Variants in CPEB3 observed in about 807,000 individuals in gnomAD.
CPEB3 encodes the protein cytoplasmic polyadenylation element binding protein 3, also known as cytoplasmic polyadenylation element-binding protein 3.
In CPEB3, 20 loss-of-function variants were observed where a neutral mutation model predicts 67.2. The observed-to-expected ratio is 0.30, with a 90% CI of 0.21 to 0.43. The LOEUF (loss-of-function observed/expected upper bound fraction) is 0.43, where lower values mean the gene tolerates loss of function less well. Ranked by LOEUF, CPEB3 falls within the 20% of genes least tolerant of loss-of-function variation. CPEB3 has a pLI of 1.00. For missense variants in CPEB3, 746 were observed against 968.6 expected, an observed-to-expected ratio of 0.77 and a Z score of 3.05; for synonymous variants, 376 against 393.1, an observed-to-expected ratio of 0.96 and a Z score of 0.51.
At chr10:92,275,005 G>C (rs1841913476) in intron 1 of CPEB3, among the ~76,000 whole-genome samples, 1 of 152,168 alleles carries the variant, frequency 6.6e-6, no homozygotes, top group Non-Finnish European at 1.5e-5. Context: ...GAACCCATGA[G>C]AGCATGGAAT....
At chr10:92,171,102 A>G (rs1847978653) in intron 4 of CPEB3, among the ~76,000 whole-genome samples, 1 of 152,210 alleles carries the variant, frequency 6.6e-6, no homozygotes, top group African/African-American at 2.4e-5. Flanking sequence ...TCTTCTCTCT[A>G]TCAACAAGGC....
At chr10:92,159,768 T>C (rs890864017) in intron 4 of CPEB3, among the ~76,000 whole-genome samples, 2 of 152,164 alleles carry the variant, frequency 1.3e-5, no homozygotes, top group African/African-American at 4.8e-5. Flanking sequence ...GAAATACCAC[T>C]AGGCCAATCT....
chr10:92,252,915 A>G (rs1852359588), intron 1 of CPEB3, among the ~76,000 whole-genome samples: 1 of 150,082 alleles, frequency 6.7e-6, no homozygotes, highest in Non-Finnish European at 1.5e-5. Flanking sequence ...ATGCTATATG[A>G]TTCCACTTAA....
rs888752346 is a variant in CPEB3, at chr10:92,193,198, C to A, written c.1006-562G>T. Among the ~76,000 whole-genome samples the A allele has an allele frequency of 1.3e-5, 2 of 151,536 alleles. 1 individual carries two copies. Among genetic ancestry groups the A allele is most frequent in the African/African-American group, 4.9e-5 (2 of 41,188 alleles). ...CTGCATTCCAGCCTGGATGACAGAGCAAGACTCCATCTCAAAAAAAAAAGA... is the reference window on the plus strand; with the variant it reads ...CTGCATTCCAGCCTGGATGACAGAGAAAGACTCCATCTCAAAAAAAAAAGA... On this transcript the variant is annotated intron_variant, in intron 2 of 9. Transcript: ENST00000265997.
intron 6 of CPEB3, among the ~76,000 whole-genome samples, chr10:92,115,930 A>G (rs1200693489): frequency 2.6e-5 from 4 of 152,270 alleles, no homozygotes; most frequent in African/African-American, 9.6e-5. Context: ...TGTTATGTAA[A>G]CGTGCAGACC....
In CPEB3 at chr10:92,167,901, T is replaced by G. The variant is rs538960345; in HGVS notation, c.1222+13062A>C. On this transcript the variant is annotated intron_variant, in intron 4 of 9. Transcript: ENST00000265997. ...CCAGCCTGGGCAGGCAGAGTGAGAC[T>G]CTGTCTCAAAAAAAATAAAATAAAA... is the stretch of plus-strand genomic sequence containing the variant. 7.6e-4 allele frequency among the ~76,000 whole-genome samples: 116 copies of G among 151,892 alleles called. 1 individual carries two copies. The highest frequency in any genetic ancestry group is 2.8e-3 in the African/African-American group (114 of 41,280).
At chr10:92,166,173 A>G (rs1472807044) in intron 4 of CPEB3, among the ~76,000 whole-genome samples, 3 of 150,122 alleles carry the variant, frequency 2.0e-5, no homozygotes, top group East Asian at 2.0e-4. Context: ...CAGTGGCGTG[A>G]TCTCGGCTCA....
At chr10:92,076,766 GGAA>G (rs920263929) in intron 9 of CPEB3, among the ~76,000 whole-genome samples, 6 of 73,056 alleles carry the variant, frequency 8.2e-5, no homozygotes, top group Non-Finnish European at 1.2e-4. Flanking sequence ...AGTAGAAGAA[GGAA>G]GAAGAAGGAG....
chr10:92,180,989 C>A lies in CPEB3; in HGVS notation c.1196G>T (p.Gly399Val). 1 of 1,521,096 alleles carries A rather than the reference C, an allele frequency of 6.6e-7. No homozygotes were observed. The highest frequency in any genetic ancestry group is 1.1e-5 in the South Asian group (1 of 88,680). 94.2% of individuals were successfully genotyped at this position (1,521,096 alleles called of 1,614,324 possible). A position where few individuals can be genotyped will look rare whatever the true frequency, so the allele number is the denominator to read the frequency against. ...GRMGINFHHP[G>V]TDNIMALNNA... ...GTTAAGTGCCATAATATTATCTGTT[C>A]CTGGATGATGGAAATTTATCCCCAT... Residue 399 changes from glycine to valine, a missense_variant, in exon 4 of 10, where the codon GGA becomes GTA. By Grantham distance (109) the Gly-to-Val change is moderately radical. Around this residue, in one of 2 missense-constraint regions of CPEB3, gnomAD observed 643 missense variants for 717.5 expected, o/e 0.90. Coordinates refer to ENST00000265997, the MANE Select transcript of CPEB3 (RefSeq NM_014912.5).
At chr10:92,255,335 A>G (rs1852473445) in intron 1 of CPEB3, among the ~76,000 whole-genome samples, 1 of 152,104 alleles carries the variant, frequency 6.6e-6, no homozygotes. Context: ...TAACTCCCCA[A>G]CTTACTGCAG....
chr10:92,065,919 C>A (rs11186817), intron 9 of CPEB3, among the ~76,000 whole-genome samples: 39,340 of 151,456 alleles, frequency 0.26, 6,143 homozygotes, highest in Admixed American at 0.36. Context: ...CATGCTGAGA[C>A]CCCCCCTCTC....
chr10:92,274,213 C>G (rs1163950602), intron 1 of CPEB3, among the ~76,000 whole-genome samples: 1 of 152,158 alleles, frequency 6.6e-6, no homozygotes, highest in Non-Finnish European at 1.5e-5. Flanking sequence ...ATGTGAAGGG[C>G]CCAACACATG....
At chr10:92,260,565 A>G (rs2134886657) in intron 1 of CPEB3, among the ~76,000 whole-genome samples, 1 of 152,114 alleles carries the variant, frequency 6.6e-6, no homozygotes, top group Admixed American at 6.6e-5. Context: ...AAAAAAAAAA[A>G]AAAATCATTT....
At chr10:92,195,793 C>A (rs1488778385) in intron 2 of CPEB3, among the ~76,000 whole-genome samples, 1 of 152,128 alleles carries the variant, frequency 6.6e-6, no homozygotes, top group Non-Finnish European at 1.5e-5. Context: ...CCATTTTACA[C>A]ATGAAGAAGG....
chr10:92,133,705 A>G (rs1845952392), intron 6 of CPEB3, among the ~76,000 whole-genome samples: 2 of 152,190 alleles, frequency 1.3e-5, no homozygotes, highest in Non-Finnish European at 2.9e-5. Context: ...TGGCAGAGAC[A>G]CAACAAAAAA....
chr10:92,052,545 CGCT>C, intron 9 of CPEB3, 106 bp from the exon 10 acceptor site: 1 of 939,146 alleles, frequency 1.1e-6, no homozygotes, highest in Non-Finnish European at 1.6e-6. Flanking sequence ...CTCAATCAGA[CGCT>C]GCTTTCAACT....
intron 1 of CPEB3, among the ~76,000 whole-genome samples, chr10:92,259,330 G>A (rs528073961): frequency 2.0e-5 from 3 of 151,896 alleles, no homozygotes; most frequent in East Asian, 2.0e-4. Context: ...GGCCGGGTGC[G>A]ATGGCTCATG....
chr10:92,186,735 G>A (rs1315085548), intron 3 of CPEB3, among the ~76,000 whole-genome samples: 3 of 151,960 alleles, frequency 2.0e-5, no homozygotes, highest in South Asian at 2.1e-4. Context: ...ATGCCTGGCC[G>A]CTAAAAACTC....
chr10:92,193,195 G>C (rs1054357421), intron 2 of CPEB3, among the ~76,000 whole-genome samples: 1 of 151,850 alleles, frequency 6.6e-6, no homozygotes, highest in Non-Finnish European at 1.5e-5. Context: ...CTGGATGACA[G>C]AGCAAGACTC....
Sources: allele counts gnomAD v4.1 joint callset (sites outside exome capture counted in the v4.1 genomes callset), GRCh38; gene constraint gnomAD v4.1.1; regional missense constraint gnomAD v4.1.1; transcripts MANE v1.5; gene names NCBI Gene and HGNC (gene_info 2026-07-23, HGNC 2026-07-21).